LRRC4C: variants seen among roughly 807,000 people sequenced by gnomAD.
LRRC4C encodes the protein leucine rich repeat containing 4C.
A neutral mutation model predicts 33.6 loss-of-function variants in LRRC4C; 5 were observed. The ratio of observed to expected loss-of-function variants is 0.15; its 90% CI spans 0.08 to 0.31. The LOEUF (loss-of-function observed/expected upper bound fraction) is 0.31. Among genes scored for constraint, LRRC4C ranks in the 10% least tolerant of loss-of-function variants. The pLI, the probability that LRRC4C is intolerant of heterozygous loss-of-function variation, is 1.00. For missense variants in LRRC4C, 560 were observed against 796.7 expected (o/e 0.70, Z 3.58); for synonymous variants, 329 against 302.0 (o/e 1.09, Z -0.93).
intron 1 of LRRC4C, among the ~76,000 whole-genome samples, chr11:40,965,378 T>G (rs1182817010): frequency 6.6e-6 from 1 of 152,134 alleles, no homozygotes; most frequent in East Asian, 1.9e-4. Flanking sequence ...TTTAATGAGG[T>G]CCCATTTGTC....
chr11:40,502,487 T>A (rs1040914393), intron 3 of LRRC4C, among the ~76,000 whole-genome samples: 1 of 152,136 alleles, frequency 6.6e-6, no homozygotes, highest in Non-Finnish European at 1.5e-5. Flanking sequence ...GAAAGGCACT[T>A]CTTACAGGGT....
chr11:41,453,779 C>T (rs1418736329), intron 1 of LRRC4C, among the ~76,000 whole-genome samples: 1 of 151,910 alleles, frequency 6.6e-6, no homozygotes, highest in African/African-American at 2.4e-5. Flanking sequence ...TTGATTATAA[C>T]ATTATATTTT....
intron 2 of LRRC4C, among the ~76,000 whole-genome samples, chr11:40,917,962 T>C (rs1957029022): frequency 6.6e-6 from 1 of 152,118 alleles, no homozygotes; most frequent in Non-Finnish European, 1.5e-5. Flanking sequence ...CAAAACTGTG[T>C]TTATTGAGCA....
chr11:41,282,557 C>T (rs901737560), intron 1 of LRRC4C, among the ~76,000 whole-genome samples: 5 of 152,172 alleles, frequency 3.3e-5, no homozygotes, highest in African/African-American at 7.2e-5. Context: ...TGAATCTTTA[C>T]GTGAAGACAG....
intron 1 of LRRC4C, among the ~76,000 whole-genome samples, chr11:41,161,540 T>C (rs1217071940): frequency 6.6e-6 from 1 of 152,188 alleles, no homozygotes; most frequent in Non-Finnish European, 1.5e-5. Flanking sequence ...GGCATCTTTA[T>C]GAAACTCAGA....
chr11:41,178,358 T>G (rs1292711111), intron 1 of LRRC4C, among the ~76,000 whole-genome samples: 1 of 152,054 alleles, frequency 6.6e-6, no homozygotes, highest in Non-Finnish European at 1.5e-5. Flanking sequence ...CTTTCTATGT[T>G]GTTGTTGTTT....
intron 3 of LRRC4C, among the ~76,000 whole-genome samples, chr11:40,428,848 C>A (rs1950809550): frequency 6.6e-6 from 1 of 152,050 alleles, no homozygotes; most frequent in African/African-American, 2.4e-5. Flanking sequence ...GAAATGAAAT[C>A]CAATTTAAGA....
chr11:41,440,581 T>C (rs998207061), intron 1 of LRRC4C, among the ~76,000 whole-genome samples: 1 of 152,200 alleles, frequency 6.6e-6, no homozygotes, highest in Non-Finnish European at 1.5e-5. Flanking sequence ...TAAAACAGTC[T>C]CCAGCTTAAA....
chr11:41,037,168 A>G (rs952811933), intron 1 of LRRC4C, among the ~76,000 whole-genome samples: 1 of 152,086 alleles, frequency 6.6e-6, no homozygotes, highest in Non-Finnish European at 1.5e-5. Context: ...GAGAAACAAA[A>G]TATTATCTAC....
chr11:40,238,347 C>T (rs868219038), intron 5 of LRRC4C, among the ~76,000 whole-genome samples: 1 of 152,104 alleles, frequency 6.6e-6, no homozygotes, highest in African/African-American at 2.4e-5. Flanking sequence ...GGCCCCAAAC[C>T]TGCTTTTCAA....
At chr11:40,477,126 A>G (rs552218581) in intron 3 of LRRC4C, among the ~76,000 whole-genome samples, 1 of 152,344 alleles carries the variant, frequency 6.6e-6, no homozygotes, top group African/African-American at 2.4e-5. Context: ...CACTTGTGCC[A>G]TTAAATTTGG....
rs546655926 is a variant in LRRC4C, at chr11:40,413,854, G to A, written c.-269-94133C>T. On this transcript the variant is annotated intron_variant, in intron 3 of 6. Transcript: ENST00000528697. ...CTCTTGATATATATGCCAAAACTAC[G>A]TTTGAATCAATAGTAAATCATATCA... Among the ~76,000 whole-genome samples, 15 of 152,074 alleles carry A rather than the reference G, an allele frequency of 9.9e-5. No homozygotes were observed. In the South Asian group the frequency reaches 2.7e-3, roughly 27 times the overall value.
chr11:41,225,092 T>C (rs1947470687), intron 1 of LRRC4C, among the ~76,000 whole-genome samples: 2 of 151,858 alleles, frequency 1.3e-5, no homozygotes. Context: ...TTTGAACACA[T>C]GAGGATAGAG....
At chr11:41,280,083 G>C (rs1466806264) in intron 1 of LRRC4C, among the ~76,000 whole-genome samples, 1 of 152,092 alleles carries the variant, frequency 6.6e-6, no homozygotes, top group Non-Finnish European at 1.5e-5. Flanking sequence ...CTCCCCATCA[G>C]ACTGTAAGCT....
At chr11:40,922,204 C>T (rs1957212802) in intron 2 of LRRC4C, among the ~76,000 whole-genome samples, 1 of 152,054 alleles carries the variant, frequency 6.6e-6, no homozygotes, top group Non-Finnish European at 1.5e-5. Flanking sequence ...CTCCCCATAC[C>T]TTACCACTCC....
chr11:41,410,264 A>C (rs1239610248), intron 1 of LRRC4C, among the ~76,000 whole-genome samples: 1 of 152,192 alleles, frequency 6.6e-6, no homozygotes, highest in East Asian at 1.9e-4. Context: ...AGATAACTTC[A>C]TGGCCTTCAG....
chr11:40,583,808 C>G (rs76699834), intron 3 of LRRC4C, among the ~76,000 whole-genome samples: 2,087 of 151,844 alleles, frequency 0.014, 27 homozygotes, highest in South Asian at 0.045. Context: ...CCCACTTTTT[C>G]TCTAGTAAGT....
chr11:40,695,263 G>A (rs556385802), intron 2 of LRRC4C, among the ~76,000 whole-genome samples: 94 of 152,246 alleles, frequency 6.2e-4, no homozygotes, highest in African/African-American at 2.2e-3. Flanking sequence ...AATCCAATAA[G>A]TATACTCGGA....
At chr11:40,659,738 G>T (rs1332771007) in intron 2 of LRRC4C, among the ~76,000 whole-genome samples, 1 of 152,182 alleles carries the variant, frequency 6.6e-6, no homozygotes, top group East Asian at 1.9e-4. Context: ...ACCTGCCTGT[G>T]GAAACAAGCT....
Sources: gnomAD v4.1 joint callset for allele counts (sites outside exome capture counted in the v4.1 genomes callset) on GRCh38, gnomAD v4.1.1 for gene constraint, MANE v1.5 for transcripts, NCBI Gene and HGNC (gene_info 2026-07-23, HGNC 2026-07-21) for gene names.